Variants in SNTB1 observed in about 807,000 individuals in gnomAD.
SNTB1 encodes the protein syntrophin beta 1, also known as beta-1-syntrophin.
SNTB1 carries 36 observed loss-of-function variants against 48.9 expected under a neutral mutation model. The ratio of observed to expected loss-of-function variants is 0.74; its 90% CI spans 0.56 to 0.97. The LOEUF (loss-of-function observed/expected upper bound fraction) is 0.97, where lower values mean the gene tolerates loss of function less well. SNTB1 is among the 50% of genes least tolerant of loss of function. SNTB1 has a pLI of 0.00. For missense variants in SNTB1, 786 were observed against 703.4 expected (o/e 1.12, Z -1.33); for synonymous variants, 299 against 294.6 (o/e 1.01, Z -0.15).
intron 3 of SNTB1, among the ~76,000 whole-genome samples, chr8:120,578,912 C>CA (rs1395459464): frequency 6.6e-6 from 1 of 152,190 alleles, no homozygotes; most frequent in Non-Finnish European, 1.5e-5. Flanking sequence ...CGAGGTAGCT[C>CA]AGGCCTATAA....
At chr8:120,744,400 A>T (rs1453423434) in intron 1 of SNTB1, among the ~76,000 whole-genome samples, 1 of 152,192 alleles carries the variant, frequency 6.6e-6, no homozygotes, top group Non-Finnish European at 1.5e-5. Flanking sequence ...GCTACACAAG[A>T]AAACAATCAT....
intron 2 of SNTB1, among the ~76,000 whole-genome samples, chr8:120,680,677 G>A (rs1303588774): frequency 6.6e-6 from 1 of 152,198 alleles, no homozygotes; most frequent in Non-Finnish European, 1.5e-5. Context: ...CTGCATGATA[G>A]CATTGGAGTT....
intron 2 of SNTB1, among the ~76,000 whole-genome samples, chr8:120,633,703 G>A (rs1307104294): frequency 6.6e-6 from 1 of 152,100 alleles, no homozygotes; most frequent in Non-Finnish European, 1.5e-5. Flanking sequence ...CAGAGAGAGA[G>A]AGATCTGTAT....
At chr8:120,617,088 A>G (rs1816726063) in intron 3 of SNTB1, among the ~76,000 whole-genome samples, 1 of 152,188 alleles carries the variant, frequency 6.6e-6, no homozygotes. Context: ...TGTTGAAAAC[A>G]TTATGAGTTT....
rs537188314 is a variant in SNTB1, at chr8:120,744,532, A to C, written c.572-50624T>G. ...CTCTTAGTATGTTTGAAGTGGCATA[A>C]ATTCAACTTCATTTTTACCAGTAAA... is the stretch of plus-strand genomic sequence containing the variant. On this transcript the variant is annotated intron_variant, in intron 1 of 6. Coordinates refer to ENST00000517992, the MANE Select transcript of SNTB1 (RefSeq NM_021021.4). 3.9e-5 allele frequency among the ~76,000 whole-genome samples: 6 copies of C among 152,326 alleles called. 1 individual carries two copies. In the South Asian group the frequency reaches 1.2e-3, roughly 32 times the overall value.
At chr8:120,811,131 TCCC>T in intron 1 of SNTB1, 139 bp downstream of exon 1, 2 of 1,013,390 alleles carry the variant, frequency 2.0e-6, no homozygotes, top group Non-Finnish European at 2.7e-6. Flanking sequence ...GCGCCACCCT[TCCC>T]CCCCCCCCAA....
intron 1 of SNTB1, among the ~76,000 whole-genome samples, chr8:120,791,178 C>A (rs951067981): frequency 6.6e-6 from 1 of 151,634 alleles, no homozygotes; most frequent in African/African-American, 2.4e-5. Flanking sequence ...TGGGCTTCAA[C>A]AAAGCATACA....
At chr8:120,780,780 T>C (rs1819819177) in intron 1 of SNTB1, among the ~76,000 whole-genome samples, 1 of 152,214 alleles carries the variant, frequency 6.6e-6, no homozygotes, top group Non-Finnish European at 1.5e-5. Context: ...TAAAGCACCA[T>C]ACCTGTTAAC....
At chr8:120,739,213 A>G (rs1441346295) in intron 1 of SNTB1, among the ~76,000 whole-genome samples, 1 of 152,192 alleles carries the variant, frequency 6.6e-6, no homozygotes, top group South Asian at 2.1e-4. Flanking sequence ...CTGTTTATTT[A>G]TACTCAATTT....
At chr8:120,592,591 G>A (rs1198850405) in intron 3 of SNTB1, among the ~76,000 whole-genome samples, 2 of 151,924 alleles carry the variant, frequency 1.3e-5, no homozygotes, top group African/African-American at 4.9e-5. Context: ...CACATGCTAT[G>A]TGCCAGACAC....
At chr8:120,742,288 G>T (rs1172996823) in intron 1 of SNTB1, among the ~76,000 whole-genome samples, 1 of 152,144 alleles carries the variant, frequency 6.6e-6, no homozygotes, top group Non-Finnish European at 1.5e-5. Context: ...GATTCTCTTG[G>T]ATGTTGTGTT....
In SNTB1 at chr8:120,561,768, T is replaced by C. The variant is rs115159735; in HGVS notation, c.1137-12810A>G. Among the ~76,000 whole-genome samples the C allele has an allele frequency of 4.8e-3, 725 of 152,352 alleles. 5 individuals carry two copies. Among genetic ancestry groups the C allele is most frequent in the African/African-American group, 0.017 (698 of 41,590 alleles). On this transcript the variant is annotated intron_variant, in intron 4 of 6. Coordinates refer to ENST00000517992, the MANE Select transcript of SNTB1 (RefSeq NM_021021.4). ...AAATAACCTGAACAATCAGCTCTTA[T>C]AACACTCGGCTTTTCCTCTATTTCA...
intron 1 of SNTB1, among the ~76,000 whole-genome samples, chr8:120,729,080 G>C (rs943892672): frequency 7.2e-5 from 11 of 151,826 alleles, no homozygotes; most frequent in Non-Finnish European, 8.8e-5. Flanking sequence ...ATGGGCTCAA[G>C]TGATCCTCCC....
At chr8:120,657,639 C>G (rs1289779281) in intron 2 of SNTB1, among the ~76,000 whole-genome samples, 1 of 152,130 alleles carries the variant, frequency 6.6e-6, no homozygotes, top group African/African-American at 2.4e-5. Flanking sequence ...ATTTTTTCAT[C>G]TAATAATCTC....
At chr8:120,631,909 A>T (rs993848910) in intron 3 of SNTB1, among the ~76,000 whole-genome samples, 6 of 152,198 alleles carry the variant, frequency 3.9e-5, no homozygotes, top group African/African-American at 1.4e-4. Context: ...TAATGATGAC[A>T]TTAAAGAGTG....
chr8:120,713,464 G>A lies in SNTB1; in HGVS notation c.572-19556C>T, dbSNP rs77454610. The stretch of plus-strand genomic sequence containing the variant: ...TGAATCATACAGGCTGGGCATGGTG[G>A]CTCATGCCTGTAATCCCAGGACTTT... On this transcript the variant is annotated intron_variant, in intron 1 of 6. Transcript: ENST00000517992. Among the ~76,000 whole-genome samples the A allele has an allele frequency of 3.5e-4, 53 of 152,304 alleles. No homozygotes were observed. In the East Asian group the frequency reaches 9.6e-3, roughly 28 times the overall value.
intron 2 of SNTB1, among the ~76,000 whole-genome samples, chr8:120,653,032 G>GAGGT (rs1817433819): frequency 6.6e-6 from 1 of 152,144 alleles, no homozygotes; most frequent in Non-Finnish European, 1.5e-5. Flanking sequence ...GAACACTGAT[G>GAGGT]AGGTGTCTGG....
intron 1 of SNTB1, among the ~76,000 whole-genome samples, chr8:120,719,246 C>T (rs560257332): frequency 2.6e-5 from 4 of 152,192 alleles, no homozygotes; most frequent in African/African-American, 9.6e-5. Context: ...CTGCCAGTGT[C>T]GCTAGAATAT....
intron 3 of SNTB1, among the ~76,000 whole-genome samples, chr8:120,612,973 A>AC (rs1816649276): frequency 6.6e-6 from 1 of 152,320 alleles, no homozygotes; most frequent in African/African-American, 2.4e-5. Context: ...CTCAGATGGA[A>AC]CTGGAGGTCA....
Sources: gnomAD v4.1 joint callset for allele counts (sites outside exome capture counted in the v4.1 genomes callset) on GRCh38, gnomAD v4.1.1 for gene constraint, MANE v1.5 for transcripts, NCBI Gene and HGNC (gene_info 2026-07-23, HGNC 2026-07-21) for gene names.